The following AHCTF1 variants were observed in gnomAD, a reference collection of about 807,000 sequenced individuals.
The protein encoded by AHCTF1 is protein ELYS.
Under a neutral mutation model 248.4 loss-of-function variants are expected in AHCTF1, and 24 were observed. That is an observed-to-expected ratio of 0.10 (90% CI 0.07 to 0.14). The LOEUF (loss-of-function observed/expected upper bound fraction) is 0.14, where lower values mean the gene tolerates loss of function less well. AHCTF1 is among the 10% of genes least tolerant of loss of function. The pLI is 1.00. For synonymous variants in AHCTF1, 786 were observed against 929.8 expected (o/e 0.85, Z 2.81); for missense variants, 2,206 against 2,636.2 (o/e 0.84, Z 3.57).
chr1:246,861,577 G>A (rs921381379), intron 28 of AHCTF1, among the ~76,000 whole-genome samples: 2 of 152,180 alleles, frequency 1.3e-5, no homozygotes, highest in Admixed American at 6.5e-5. Flanking sequence ...TTAACCTACA[G>A]TGGACCTCAA....
At chr1:246,911,419 T>C (rs900760463) in intron 4 of AHCTF1, among the ~76,000 whole-genome samples, 3 of 152,018 alleles carry the variant, frequency 2.0e-5, no homozygotes, top group African/African-American at 4.8e-5. Flanking sequence ...AAAATTTTAT[T>C]AATCAATCAG....
intron 24 of AHCTF1, among the ~76,000 whole-genome samples, chr1:246,872,038 G>A (rs375482777): frequency 2.8e-4 from 22 of 79,762 alleles, no homozygotes; most frequent in South Asian, 8.2e-4. Flanking sequence ...TCAGAAAGAT[G>A]AACTATTAAT....
intron 6 of AHCTF1, among the ~76,000 whole-genome samples, chr1:246,904,562 G>C (rs1357824181): frequency 6.6e-6 from 1 of 152,156 alleles, no homozygotes; most frequent in African/African-American, 2.4e-5. Flanking sequence ...GGACAATGGG[G>C]AGTATGGGAA....
intron 33 of AHCTF1, among the ~76,000 whole-genome samples, chr1:246,847,562 C>T (rs531049330): frequency 1.6e-4 from 25 of 152,168 alleles, no homozygotes; most frequent in Admixed American, 3.3e-4. Flanking sequence ...CAGGGGCACA[C>T]GATCATGGCT....
Position 246,905,640 on chromosome 1 carries a change from T to C in AHCTF1, c.782A>G (p.Glu261Gly). ...AGCATATACAGGAACTTGTCCACTT[T>C]CCAATTGTATGTAATATCTGAAACA... is the stretch of plus-strand genomic sequence containing the variant. ...SMKREYYIQLESGQVPVYAVT... is the reference protein window; with the variant it reads ...SMKREYYIQLGSGQVPVYAVT... The change falls in exon 6 of 36, where the codon GAA (glutamate) becomes GGA (glycine). Residue 261 changes from glutamate (E) to glycine (G), a missense_variant. Glu to Gly is a moderately conservative substitution (Grantham distance 98). This residue lies in a region of AHCTF1 where 650 missense variants were observed against 870.8 expected (regional missense o/e 0.75). Transcript: ENST00000648844. 6.2e-7 allele frequency: 1 copy of C among 1,611,494 alleles called. No individual in the cohort carries two copies. Among genetic ancestry groups the C allele is most frequent in the Non-Finnish European group, 8.5e-7 (1 of 1,178,018 alleles).
chr1:246,931,466 C>T, intron 1 of AHCTF1, 112 bp downstream of exon 1: 11 of 1,016,234 alleles, frequency 1.1e-5, no homozygotes, highest in Non-Finnish European at 1.2e-5. Flanking sequence ...CCGGCGCTCG[C>T]GGGGCAGAAG....
At chr1:246,869,807 A>G (rs1662440615) in intron 24 of AHCTF1, among the ~76,000 whole-genome samples, 1 of 152,204 alleles carries the variant, frequency 6.6e-6, no homozygotes, top group South Asian at 2.1e-4. Flanking sequence ...GAATGCTGTT[A>G]GCAGGCATGA....
intron 8 of AHCTF1, among the ~76,000 whole-genome samples, chr1:246,902,207 T>C (rs968369264): frequency 1.3e-5 from 2 of 152,214 alleles, no homozygotes; most frequent in Non-Finnish European, 2.9e-5. Flanking sequence ...AAGGCATGTA[T>C]GCCATACATG....
chr1:246,905,357 G>C (rs1572445997), intron 6 of AHCTF1, among the ~76,000 whole-genome samples, 184 bp downstream of exon 6: 1 of 152,126 alleles, frequency 6.6e-6, no homozygotes, highest in South Asian at 2.1e-4. Context: ...AATTAGCCAG[G>C]CATGGTGACA....
chr1:246,902,921 T>C (rs561314444), intron 7 of AHCTF1, among the ~76,000 whole-genome samples: 1 of 152,318 alleles, frequency 6.6e-6, no homozygotes, highest in Non-Finnish European at 1.5e-5. Context: ...GAAGCCCTCA[T>C]GCACTACTGG....
chr1:246,925,727 G>A (rs971217137), intron 1 of AHCTF1, among the ~76,000 whole-genome samples: 1 of 152,134 alleles, frequency 6.6e-6, no homozygotes, highest in African/African-American at 2.4e-5. Context: ...TCTGGGTCAT[G>A]GGAGAGGACC....
At position 246,905,667 on chromosome 1, in the gene AHCTF1, A is replaced by AT; in HGVS notation, c.765-11dup. Reference sequence around the variant, plus strand: ...CAATTGTATGTAATATCTGAAACAAATTAGTATATTTCATATTTTTAAGTT... The same window carrying AT: ...CAATTGTATGTAATATCTGAAACAAATTTAGTATATTTCATATTTTTAAGTT... On this transcript the variant is annotated splice_polypyrimidine_tract_variant and intron_variant, in intron 5 of 35. Transcript: ENST00000648844. The AT allele has an allele frequency of 6.3e-7, 1 of 1,578,500 alleles. No homozygotes were observed. Among genetic ancestry groups the AT allele is most frequent in the Non-Finnish European group, 8.7e-7 (1 of 1,148,378 alleles).
intron 29 of AHCTF1, 88 bp from the exon 30 acceptor site, chr1:246,857,902 T>C (rs761871138): frequency 1.4e-5 from 18 of 1,259,234 alleles, no homozygotes; most frequent in Non-Finnish European, 1.9e-5. Flanking sequence ...AAAAAGTTGT[T>C]GGGTCTGCTT....
intron 34 of AHCTF1, 42 bp downstream of exon 34, chr1:246,843,752 GT>G: frequency 8.4e-7 from 1 of 1,193,098 alleles, no homozygotes; most frequent in South Asian, 2.8e-5. Context: ...AAAAAAAAAA[GT>G]ATGTTTTAAC....
intron 4 of AHCTF1, among the ~76,000 whole-genome samples, chr1:246,909,557 G>A (rs1311336954): frequency 6.6e-6 from 1 of 152,176 alleles, no homozygotes; most frequent in African/African-American, 2.4e-5. Flanking sequence ...AACTGTCGCA[G>A]TATTGCAGTG....
Position 246,905,616 on chromosome 1 carries a change from G to C in AHCTF1, c.806C>G (p.Ala269Gly). 6.2e-7 allele frequency: 1 copy of C among 1,612,960 alleles called. No individual in the cohort carries two copies. Residue 269 changes from alanine (A) to glycine (G), a missense_variant, in exon 6 of 36, where the codon GCT becomes GGT. By Grantham distance (60) the Ala-to-Gly change is moderately conservative. Around this residue, in one of 6 missense-constraint regions of AHCTF1, gnomAD observed 650 missense variants for 870.8 expected, o/e 0.75. Transcript: ENST00000648844. ...ATTCTCAGGTTCTTGAAAAGTGACA[G>C]CATATACAGGAACTTGTCCACTTTC... Reference protein sequence around the residue: ...QLESGQVPVYAVTFQEPENDP... With the variant: ...QLESGQVPVYGVTFQEPENDP...
Position 246,902,506 on chromosome 1 carries a change from T to C in AHCTF1, c.1117+19A>G. ...TAAATCCAGCCTTCACATGACATAT[T>C]TCAAGTACTTTAACTAACCTTCATT... On this transcript the variant is annotated intron_variant, in intron 8 of 35. Coordinates refer to ENST00000648844, the MANE Select transcript of AHCTF1 (RefSeq NM_001323342.2). 6.2e-7 allele frequency: 1 copy of C among 1,600,260 alleles called. No individual in the cohort carries two copies. Among genetic ancestry groups the C allele is most frequent in the Admixed American group, 1.7e-5 (1 of 58,796 alleles).
At chr1:246,914,813 C>T (rs1262446249) in intron 3 of AHCTF1, among the ~76,000 whole-genome samples, 1 of 152,158 alleles carries the variant, frequency 6.6e-6, no homozygotes, top group Non-Finnish European at 1.5e-5. Context: ...AGTTCAGGAA[C>T]CTTGTTTCTT....
rs768127230 is a variant in AHCTF1 at position 246,890,027 on chromosome 1, TGTAGCATAA to T, written c.2074_2082del (p.Leu692_Tyr694del). On this transcript the variant is annotated inframe_deletion, in exon 17 of 36. Transcript: ENST00000648844. Reference sequence around the variant, plus strand: ...TAGTAGTTCTGAATTACAGGGTAGTTGTAGCATAACCTTGACAACTGCACAGAATCATCT... The same window carrying T: ...TAGTAGTTCTGAATTACAGGGTAGTTCCTTGACAACTGCACAGAATCATCT... 1.2e-6 allele frequency: 2 copies of T among 1,613,056 alleles called. No individual in the cohort carries two copies. The highest frequency in any genetic ancestry group is 2.2e-5 in the South Asian group (2 of 90,984).
Sources: gnomAD v4.1 joint callset for allele counts (sites outside exome capture counted in the v4.1 genomes callset) on GRCh38, gnomAD v4.1.1 for gene constraint, gnomAD v4.1.1 regional missense constraint, MANE v1.5 for transcripts, NCBI Gene and HGNC (gene_info 2026-07-23, HGNC 2026-07-21) for gene names.